The following KRT40 variants were observed in gnomAD, a reference collection of about 807,000 sequenced individuals.
The protein encoded by KRT40 is keratin 40, also known as keratin, type I cytoskeletal 40.
In KRT40, 47 loss-of-function variants were observed where a neutral mutation model predicts 43.5. That is an observed-to-expected ratio of 1.08 (90% CI 0.86 to 1.38). The LOEUF (loss-of-function observed/expected upper bound fraction) is 1.38. KRT40 is among the 40% of genes most tolerant of loss of function. KRT40 has a pLI of 0.00. For missense variants in KRT40, 573 were observed against 523.6 expected, an observed-to-expected ratio of 1.09 and a Z score of -0.92; for synonymous variants, 212 against 214.0, an observed-to-expected ratio of 0.99 and a Z score of 0.08.
intron 6 of KRT40, among the ~76,000 whole-genome samples, 174 bp downstream of exon 6, chr17:40,978,630 A>T (rs11654934): frequency 0.37 from 55,869 of 150,502 alleles, 12,066 homozygotes; most frequent in African/African-American, 0.63. Context: ...AGAATATTTT[A>T]AAAATATCTC....
At chr17:40,981,359 A>G in intron 3 of KRT40, 1 of 942,672 alleles carries the variant, frequency 1.1e-6, no homozygotes, top group Non-Finnish European at 1.6e-6. Context: ...ACATTTTTCC[A>G]GAAAGTTATT....
chr17:40,982,385 G>T lies in KRT40; in HGVS notation c.609C>A (p.Thr203=). The T allele has an allele frequency of 6.2e-7, 1 of 1,611,624 alleles. No homozygotes were observed. The highest frequency in any genetic ancestry group is 8.5e-7 in the Non-Finnish European group (1 of 1,178,826). The change falls in exon 3 of 7, where the codon ACC becomes ACA. Residue 203 remains threonine, a synonymous_variant. Transcript: ENST00000377755. ...SSLHGILEEL[T]LCKSDLEAHV... ...GGGCCTCCAGATCAGATTTGCACAGGGTCAGTTCCTCCAGGATCCCATGCA... is the reference window on the plus strand; with the variant it reads ...GGGCCTCCAGATCAGATTTGCACAGTGTCAGTTCCTCCAGGATCCCATGCA...
At chr17:40,979,740 T>G (rs12939627) in intron 5 of KRT40, among the ~76,000 whole-genome samples, 61,320 of 152,020 alleles carry the variant, frequency 0.4, 15,647 homozygotes, top group African/African-American at 0.73. Context: ...AGGCTGGGAC[T>G]GGCATATGTG....
rs150575225 is a variant in KRT40, at chr17:40,980,284, T to A, written c.975+501A>T. ...TCTTCTAGGTGTTCTCCGCAGGGCC[T>A]AATGACATGCACACAGTGGTGCTTG... On this transcript the variant is annotated intron_variant, in intron 5 of 6. Transcript: ENST00000377755. Among the ~76,000 whole-genome samples, 371 of 152,288 alleles carry A rather than the reference T, an allele frequency of 2.4e-3. 3 individuals are homozygous for A. Among genetic ancestry groups the A allele is most frequent in the Admixed American group, 2.3e-3 (35 of 15,292 alleles).
chr17:40,983,470 A>G (rs1046960602), intron 1 of KRT40, among the ~76,000 whole-genome samples: 1 of 152,198 alleles, frequency 6.6e-6, no homozygotes, highest in Non-Finnish European at 1.5e-5. Flanking sequence ...AGAGAAGAAA[A>G]TGATTACTAG....
rs147034058 is a variant in KRT40 at position 40,982,357 on chromosome 17, C to G, written c.637G>C (p.Val213Leu). ...TLCKSDLEAH[V>L]ESLKEDLLCL... is the part of the protein sequence containing the mutation. ...AGGAGATCTTCCTTCAGAGACTCCA[C>G]ATGGGCCTCCAGATCAGATTTGCAC... Residue 213 changes from valine (V) to leucine (L), a missense_variant, in exon 3 of 7, where the codon GTG becomes CTG. Val to Leu is a conservative substitution (Grantham distance 32). Transcript: ENST00000377755. 4 of 1,608,254 alleles carry G rather than the reference C, an allele frequency of 2.5e-6. No homozygotes were observed. The East Asian group carries it at 9.0e-5, about 36-fold the overall frequency.
intron 3 of KRT40, among the ~76,000 whole-genome samples, chr17:40,981,909 C>G (rs1912179354): frequency 6.6e-6 from 1 of 151,766 alleles, no homozygotes; most frequent in Admixed American, 6.6e-5. Context: ...GATGGAGTCT[C>G]GCCCTGTCAC....
At position 40,983,048 on chromosome 17, in the gene KRT40, T is replaced by C; in HGVS notation, c.528A>G (p.Ser176=). 1 of 1,252,656 alleles carries C rather than the reference T, an allele frequency of 8.0e-7. No individual in the cohort carries two copies. The highest frequency in any genetic ancestry group is 1.2e-6 in the Non-Finnish European group (1 of 866,732). The allele number at this position is 1,252,656 out of a possible 1,614,324, so 77.6% of individuals were successfully genotyped here. Residue 176 remains serine (S), a splice_region_variant and synonymous_variant, in exon 2 of 7, where the codon TCA becomes TCG. Coordinates refer to ENST00000377755, the MANE Select transcript of KRT40 (RefSeq NM_001389244.1). ...AAATAAAATTAAATTAAACTTACTT[T>C]GACTTAAAGTCATCAGTGGCCAGTT... The part of the protein sequence containing the change: ...NCKLATDDFK[S]KYESELSLRQ...
intron 3 of KRT40, 148 bp downstream of exon 3, chr17:40,982,159 G>A (rs1567855871): frequency 4.7e-6 from 3 of 644,566 alleles, no homozygotes; most frequent in African/African-American, 1.9e-5. Context: ...TTACAGGTGT[G>A]AGCCACCATG....
At chr17:40,982,680 T>TGA (rs368173562) in intron 2 of KRT40, among the ~76,000 whole-genome samples, 10 of 151,290 alleles carry the variant, frequency 6.6e-5, no homozygotes, top group Non-Finnish European at 1.0e-4. Flanking sequence ...AGAGAGAGAT[T>TGA]GAGAGAGAGA....
At chr17:40,978,386 A>C in intron 6 of KRT40, 90 bp from the exon 7 acceptor site, 1 of 1,053,908 alleles carries the variant, frequency 9.5e-7, no homozygotes, top group Non-Finnish European at 1.5e-6. Flanking sequence ...TTGCCCTACA[A>C]ATTATGTTCT....
intron 5 of KRT40, 74 bp downstream of exon 5, chr17:40,980,711 A>T (rs1023405693): frequency 6.7e-7 from 1 of 1,497,440 alleles, no homozygotes; most frequent in African/African-American, 1.4e-5. Context: ...TGATCCTCGG[A>T]TATGGAAGAG....
At position 40,980,778 on chromosome 17, in the gene KRT40, C is replaced by T; in HGVS notation, c.975+7G>A. The T allele has an allele frequency of 6.3e-7, 1 of 1,588,646 alleles. No homozygotes were observed. The highest frequency in any genetic ancestry group is 8.5e-7 in the Non-Finnish European group (1 of 1,172,514). ...GACACAACGGACACTGCCTTTGCCTCACGCACCAGGCTTTGCTGTGCTTGG... is the reference window on the plus strand; with the variant it reads ...GACACAACGGACACTGCCTTTGCCTTACGCACCAGGCTTTGCTGTGCTTGG... On this transcript the variant is annotated splice_region_variant and intron_variant, in intron 5 of 6. Coordinates refer to ENST00000377755, the MANE Select transcript of KRT40 (RefSeq NM_001389244.1).
rs1912147897 is a variant in KRT40, at chr17:40,981,471, A to G, written c.688-320T>C. 5 of 523,296 alleles carry G rather than the reference A, an allele frequency of 9.6e-6. No individual in the cohort carries two copies. In the East Asian group the frequency reaches 1.1e-4, roughly 12 times the overall value. The allele number at this position is 523,296 out of a possible 1,614,324, so 32.4% of individuals were successfully genotyped here. Reference sequence around the variant, plus strand: ...ATGTTAGCTATGATTGTCATCAACAAACGTTCAAAGAGCAAATGTACTTTG... The same window carrying G: ...ATGTTAGCTATGATTGTCATCAACAGACGTTCAAAGAGCAAATGTACTTTG... On this transcript the variant is annotated intron_variant, in intron 3 of 6. Coordinates refer to ENST00000377755, the MANE Select transcript of KRT40 (RefSeq NM_001389244.1).
chr17:40,984,369 G>GGTGTTTACA (rs1367307855), upstream of KRT40: 1 of 868,102 alleles, frequency 1.2e-6, no homozygotes, highest in Non-Finnish European at 1.8e-6. Flanking sequence ...CCCCAAAATG[G>GGTGTTTACA]GTGTTTACAG....
At chr17:40,984,860 A>AGTTGTGTGTGTGTGTGTGT (rs551051327), upstream of KRT40, among the ~76,000 whole-genome samples, 4,572 of 151,504 alleles carry the variant, frequency 0.03, 91 homozygotes, top group African/African-American at 0.053. Flanking sequence ...TTGGGTTTAA[A>AGTTGTGTGTGTGTGTGTGT]GTGTGTGTGT....
At chr17:40,986,537 C>A (rs549513747), upstream of KRT40, among the ~76,000 whole-genome samples, 2 of 152,302 alleles carry the variant, frequency 1.3e-5, no homozygotes, top group Non-Finnish European at 1.5e-5. Flanking sequence ...TGCTTCCTTG[C>A]AACGTATTTT....
chr17:40,981,086 G>A lies in KRT40; in HGVS notation c.753C>T (p.Thr251=). The change falls in exon 4 of 7, where the codon ACC becomes ACT. Residue 251 remains threonine (T), a synonymous_variant. Transcript: ENST00000377755. ...CATCCAGGACCCTGTTGAGGTCAAGGGTGGGGGCAGTGTCCAGCTCCACAC... is the reference window on the plus strand; with the variant it reads ...CATCCAGGACCCTGTTGAGGTCAAGAGTGGGGGCAGTGTCCAGCTCCACAC... The part of the protein sequence containing the change: ...RLSVELDTAP[T]LDLNRVLDEM... 1.2e-6 allele frequency: 2 copies of A among 1,614,242 alleles called. No individual in the cohort carries two copies. Among genetic ancestry groups the A allele is most frequent in the South Asian group, 2.2e-5 (2 of 91,086 alleles).
In KRT40 at chr17:40,984,115, G is replaced by T. The variant is rs771697203; in HGVS notation, c.159C>A (p.Arg53=). ...ATGGCAGGAGGCAACCAGTCAGCCC[G>T]CGAGACCTGGATAGGAAGCTTGGAG... ...CQTPSFLSRS[R]GLTGCLLPCY... The change falls in exon 1 of 7, where the codon CGC becomes CGA. Residue 53 remains arginine (R), a synonymous_variant. Transcript: ENST00000377755. 1 of 1,614,072 alleles carries T rather than the reference G, an allele frequency of 6.2e-7. No homozygotes were observed. The highest frequency in any genetic ancestry group is 1.1e-5 in the South Asian group (1 of 91,074).
Sources: gnomAD v4.1 joint callset for allele counts (sites outside exome capture counted in the v4.1 genomes callset) on GRCh38, gnomAD v4.1.1 for gene constraint, MANE v1.5 for transcripts, NCBI Gene and HGNC (gene_info 2026-07-23, HGNC 2026-07-21) for gene names.